Variants in CDIN1 observed in about 807,000 individuals in gnomAD.
CDIN1 encodes CDAN1-interacting nuclease 1.
In CDIN1, 33 loss-of-function variants were observed where a neutral mutation model predicts 45.3. The observed-to-expected ratio is 0.73, with a 90% CI of 0.55 to 0.97. The LOEUF is 0.97. CDIN1 is among the 50% of genes least tolerant of loss of function. The probability of loss-of-function intolerance (pLI) is 0.00; values close to 1 mark genes in which losing one functional copy is unlikely to be tolerated. For synonymous variants in CDIN1, 118 were observed against 124.4 expected, an observed-to-expected ratio of 0.95 and a Z score of 0.34; for missense variants, 303 against 339.4, an observed-to-expected ratio of 0.89 and a Z score of 0.84.
chr15:36,617,289 A>G, intron 1 of CDIN1: 1 of 1,107,716 alleles, frequency 9.0e-7, no homozygotes, highest in Non-Finnish European at 1.4e-6. Context: ...TATGTAAAGA[A>G]TATGAAGTAA....
intron 10 of CDIN1, chr15:36,799,711 G>A (rs758846772): frequency 1.3e-5 from 2 of 152,162 alleles, no homozygotes; most frequent in Non-Finnish European, 2.9e-5. Flanking sequence ...AGCAATTTAT[G>A]GAGAGGAGCT....
At chr15:36,620,051 TA>T (rs2039096665) in intron 1 of CDIN1, among the ~76,000 whole-genome samples, 2 of 152,150 alleles carry the variant, frequency 1.3e-5, no homozygotes. Flanking sequence ...TGGGGTTTCT[TA>T]AAAACATTGA....
intron 5 of CDIN1, among the ~76,000 whole-genome samples, chr15:36,666,842 A>T (rs2041268726): frequency 6.6e-6 from 1 of 152,240 alleles, no homozygotes; most frequent in African/African-American, 2.4e-5. Flanking sequence ...ATAAGCAATG[A>T]TAATAAAATT....
intron 5 of CDIN1, among the ~76,000 whole-genome samples, chr15:36,680,248 G>A (rs950453558): frequency 2.6e-5 from 4 of 152,162 alleles, no homozygotes; most frequent in South Asian, 2.1e-4. Context: ...CATCCTGTCC[G>A]TATGCCTGTC....
intron 10 of CDIN1, among the ~76,000 whole-genome samples, chr15:36,730,077 A>G (rs2043784714): frequency 6.6e-6 from 1 of 152,156 alleles, no homozygotes; most frequent in Non-Finnish European, 1.5e-5. Flanking sequence ...TGTATGTGCT[A>G]TTTATATAAA....
chr15:36,806,418 G>A (rs956394015), intron 10 of CDIN1, among the ~76,000 whole-genome samples: 1 of 152,146 alleles, frequency 6.6e-6, no homozygotes, highest in African/African-American at 2.4e-5. Flanking sequence ...TACTGGGCTT[G>A]TTTTTTATGA....
chr15:36,613,536 A>T (rs1405458528), intron 1 of CDIN1: 3 of 1,525,496 alleles, frequency 2.0e-6, no homozygotes, highest in Non-Finnish European at 2.7e-6. Flanking sequence ...CAGCAGGCAG[A>T]TGATGCAGAG....
chr15:36,773,975 G>T (rs2054143417), intron 10 of CDIN1, among the ~76,000 whole-genome samples: 2 of 152,210 alleles, frequency 1.3e-5, no homozygotes, highest in Non-Finnish European at 2.9e-5. Context: ...AGTTTGGCAT[G>T]GAATGTCCTC....
intron 5 of CDIN1, among the ~76,000 whole-genome samples, chr15:36,688,969 G>T (rs1039226184): frequency 1.3e-5 from 2 of 152,190 alleles, no homozygotes; most frequent in African/African-American, 4.8e-5. Context: ...GCACTAAAAA[G>T]TGGTGGGTTG....
chr15:36,775,431 CAGG>C (rs1217235688), intron 10 of CDIN1, among the ~76,000 whole-genome samples: 1 of 152,190 alleles, frequency 6.6e-6, no homozygotes, highest in Admixed American at 6.5e-5. Context: ...ACAAGGTCTC[CAGG>C]AGGTCAGAGG....
chr15:36,614,120 A>G, intron 1 of CDIN1: 1 of 761,014 alleles, frequency 1.3e-6, no homozygotes, highest in South Asian at 1.3e-5. Flanking sequence ...GACTTGGAAG[A>G]TAAACTGAAA....
intron 6 of CDIN1, 63 bp from the exon 7 acceptor site, chr15:36,692,063 T>C (rs879837978): frequency 4.0e-5 from 59 of 1,484,418 alleles, no homozygotes; most frequent in Non-Finnish European, 5.5e-5. Flanking sequence ...TTTTAGGATA[T>C]TGTTTACTGT....
intron 10 of CDIN1, among the ~76,000 whole-genome samples, chr15:36,794,703 T>C (rs866515951): frequency 6.6e-6 from 1 of 152,250 alleles, no homozygotes; most frequent in African/African-American, 2.4e-5. Flanking sequence ...CATACATCTA[T>C]CAGTGGACAT....
chr15:36,761,347 A>G (rs1456368209), intron 10 of CDIN1, among the ~76,000 whole-genome samples: 1 of 152,230 alleles, frequency 6.6e-6, no homozygotes, highest in African/African-American at 2.4e-5. Flanking sequence ...ATGTTGTCAC[A>G]GACCTTATTG....
intron 1 of CDIN1, among the ~76,000 whole-genome samples, chr15:36,595,333 T>G (rs1162808498): frequency 6.8e-6 from 1 of 147,808 alleles, no homozygotes; most frequent in Admixed American, 6.8e-5. Context: ...TAATATAATA[T>G]AATATAAAAT....
At chr15:36,793,748 C>A (rs556522483) in intron 10 of CDIN1, among the ~76,000 whole-genome samples, 58 of 152,182 alleles carry the variant, frequency 3.8e-4, no homozygotes, top group Non-Finnish European at 7.2e-4. Flanking sequence ...TCATTAATCG[C>A]GAGAAAACAA....
At chr15:36,627,661 G>A (rs565071278) in intron 1 of CDIN1, 8 of 152,450 alleles carry the variant, frequency 5.2e-5, no homozygotes, top group African/African-American at 1.4e-4. Flanking sequence ...GGTACTCCAC[G>A]TGGTCCATCC....
At chr15:36,639,536 C>T (rs776799703) in intron 1 of CDIN1, among the ~76,000 whole-genome samples, 5 of 151,954 alleles carry the variant, frequency 3.3e-5, no homozygotes, top group Non-Finnish European at 4.4e-5. Context: ...TGCAGTGAGC[C>T]GAGACTGCGC....
chr15:36,808,702 A>T lies in CDIN1; in HGVS notation c.*249A>T, dbSNP rs2055311481. On this transcript the variant is annotated 3_prime_UTR_variant, in exon 11 of 11. Coordinates refer to ENST00000566621, the MANE Select transcript of CDIN1 (RefSeq NM_001321759.2). ...TTATCAGCATTTCTGTCTCTGTCAA[A>T]CAATTAGTTTATAGATAGTCATAAT... 1.9e-6 allele frequency: 1 copy of T among 533,962 alleles called. No homozygotes were observed. The highest frequency in any genetic ancestry group is 1.9e-5 in the African/African-American group (1 of 52,390). The allele number at this position is 533,962 out of a possible 1,614,324, so 33.1% of individuals were successfully genotyped here.
Sources: allele counts gnomAD v4.1 joint callset (sites outside exome capture counted in the v4.1 genomes callset), GRCh38; gene constraint gnomAD v4.1.1; transcripts MANE v1.5; gene names NCBI Gene and HGNC (gene_info 2026-07-23, HGNC 2026-07-21).